The following DNAH5 variants were observed in gnomAD, a reference collection of about 807,000 sequenced individuals.
DNAH5 encodes dynein axonemal heavy chain 5, also known as axonemal beta dynein heavy chain 5.
In DNAH5, 372 loss-of-function variants were observed where a neutral mutation model predicts 518.2. The ratio of observed to expected loss-of-function variants is 0.72; its 90% confidence interval spans 0.66 to 0.78. The LOEUF (loss-of-function observed/expected upper bound fraction) is 0.78, where lower values mean the gene tolerates loss of function less well. Ranked by LOEUF, DNAH5 falls within the 30% of genes least tolerant of loss-of-function variation. The pLI, the probability that DNAH5 is intolerant of heterozygous loss-of-function variation, is 0.00. For missense variants in DNAH5, 5,523 were observed against 5,687.0 expected (o/e 0.97, Z 0.93); for synonymous variants, 2,039 against 2,025.9 (o/e 1.01, Z -0.17).
chr5:13,960,926 G>A (rs1288520509), intron 1 of DNAH5, among the ~76,000 whole-genome samples: 1 of 152,234 alleles, frequency 6.6e-6, no homozygotes, highest in Non-Finnish European at 1.5e-5. Context: ...GAAGAGAGAA[G>A]AACTGGAAAA....
At chr5:13,982,018 A>G (rs1421516118) in intron 1 of DNAH5, among the ~76,000 whole-genome samples, 2 of 152,206 alleles carry the variant, frequency 1.3e-5, no homozygotes, top group African/African-American at 4.8e-5. Context: ...TAACAGTTCT[A>G]CTTGCCCTAA....
chr5:13,779,796 T>C (rs1488304921), intron 53 of DNAH5, among the ~76,000 whole-genome samples: 1 of 152,176 alleles, frequency 6.6e-6, no homozygotes, highest in Non-Finnish European at 1.5e-5. Context: ...AAGCTCCAAC[T>C]TCCTGATGAT....
chr5:13,946,342 G>T (rs551239494), upstream of DNAH5, among the ~76,000 whole-genome samples: 5 of 152,238 alleles, frequency 3.3e-5, no homozygotes, highest in South Asian at 1.0e-3. Context: ...CAGCAAACCG[G>T]GAAGCCTTCC....
At chr5:13,859,756 A>C (rs897995823) in intron 29 of DNAH5, 151 bp from the exon 30 acceptor site, 13 of 728,844 alleles carry the variant, frequency 1.8e-5, no homozygotes, top group Non-Finnish European at 2.6e-5. Flanking sequence ...CCAAGTGATT[A>C]ATTCATCCCC....
intron 1 of DNAH5, among the ~76,000 whole-genome samples, chr5:14,007,847 G>A (rs979073019): frequency 2.6e-5 from 4 of 152,168 alleles, no homozygotes; most frequent in Non-Finnish European, 5.9e-5. Context: ...GCGTCCTAAA[G>A]GGGAATTTGA....
At chr5:13,706,960 C>T (rs1156786875) in intron 76 of DNAH5, among the ~76,000 whole-genome samples, 1 of 152,216 alleles carries the variant, frequency 6.6e-6, no homozygotes, top group Admixed American at 6.5e-5. Flanking sequence ...TAAGTGAGAA[C>T]AGGCACTCTT....
intron 22 of DNAH5, among the ~76,000 whole-genome samples, chr5:13,874,697 T>C (rs1317825465): frequency 6.6e-6 from 1 of 152,166 alleles, no homozygotes; most frequent in East Asian, 1.9e-4. Flanking sequence ...TTTGTGTTTT[T>C]AGTGGAAACA....
chr5:13,930,011 G>C (rs1198137332), intron 2 of DNAH5, among the ~76,000 whole-genome samples: 1 of 152,170 alleles, frequency 6.6e-6, no homozygotes, highest in Non-Finnish European at 1.5e-5. Flanking sequence ...AAGAGACTGA[G>C]AACAGGGACC....
At chr5:13,905,926 T>C (rs1003035185) in intron 12 of DNAH5, among the ~76,000 whole-genome samples, 3 of 152,178 alleles carry the variant, frequency 2.0e-5, no homozygotes, top group African/African-American at 7.2e-5. Flanking sequence ...AACTGAATAA[T>C]GGAATGTTAT....
At chr5:13,946,398 T>C (rs1560988356), upstream of DNAH5, among the ~76,000 whole-genome samples, 1 of 152,094 alleles carries the variant, frequency 6.6e-6, no homozygotes, top group Non-Finnish European at 1.5e-5. Context: ...GTAGATGGCG[T>C]CTTAAGGTAT....
chr5:14,008,052 A>G (rs182019139), intron 1 of DNAH5, among the ~76,000 whole-genome samples: 1 of 152,084 alleles, frequency 6.6e-6, no homozygotes, highest in East Asian at 1.9e-4. Context: ...CATGCCTATA[A>G]TCCCAACTAC....
chr5:13,843,586 A>G (rs895320), intron 32 of DNAH5, among the ~76,000 whole-genome samples: 60,761 of 151,984 alleles, frequency 0.4, 12,513 homozygotes, highest in East Asian at 0.61. Flanking sequence ...GAGAGAATAC[A>G]TTTCTGTTGT....
intron 3 of DNAH5, among the ~76,000 whole-genome samples, chr5:13,924,504 C>T (rs995940701): frequency 1.3e-5 from 2 of 151,766 alleles, no homozygotes; most frequent in African/African-American, 2.4e-5. Flanking sequence ...GGAGAAACCC[C>T]GTCTCTACCA....
intron 49 of DNAH5, 50 bp downstream of exon 49, chr5:13,793,465 A>G: frequency 6.6e-7 from 1 of 1,512,218 alleles, no homozygotes; most frequent in Non-Finnish European, 9.2e-7. Flanking sequence ...AAAGGAACCC[A>G]AGCAGGTGTT....
chr5:13,972,401 T>C (rs1296437127), intron 1 of DNAH5, among the ~76,000 whole-genome samples: 1 of 152,200 alleles, frequency 6.6e-6, no homozygotes, highest in Non-Finnish European at 1.5e-5. Context: ...CAATTGGAAG[T>C]TTCCTTCTCC....
At chr5:13,869,462 T>C (rs1176380854) in intron 24 of DNAH5, among the ~76,000 whole-genome samples, 2 of 152,128 alleles carry the variant, frequency 1.3e-5, no homozygotes, top group Admixed American at 6.6e-5. Context: ...GAAGTGCTTT[T>C]CCTTAACGTC....
At chr5:13,715,103 G>C (rs542475026) in intron 74 of DNAH5, among the ~76,000 whole-genome samples, 12 of 152,286 alleles carry the variant, frequency 7.9e-5, no homozygotes, top group African/African-American at 2.9e-4. Context: ...TAGGAAAAGA[G>C]AGAAACTGAG....
chr5:13,713,271 C>T (rs563367559), intron 75 of DNAH5, among the ~76,000 whole-genome samples: 2 of 122,278 alleles, frequency 1.6e-5, no homozygotes, highest in East Asian at 2.3e-4. Context: ...ATATATATAC[C>T]GACATATATA....
At chr5:13,863,029 A>G (rs1272371937) in intron 28 of DNAH5, among the ~76,000 whole-genome samples, 1 of 152,186 alleles carries the variant, frequency 6.6e-6, no homozygotes, top group Admixed American at 6.5e-5. Flanking sequence ...GACAGAAAAT[A>G]TATGCAAATC....
Sources: gnomAD v4.1 joint callset for allele counts (sites outside exome capture counted in the v4.1 genomes callset) on GRCh38, gnomAD v4.1.1 for gene constraint, MANE v1.5 for transcripts, NCBI Gene and HGNC (gene_info 2026-07-23, HGNC 2026-07-21) for gene names.